The following PREX2 variants were observed in gnomAD, a reference collection of about 807,000 sequenced individuals.
The protein encoded by PREX2 is phosphatidylinositol-3,4,5-trisphosphate dependent Rac exchange factor 2, also known as phosphatidylinositol 3,4,5-trisphosphate-dependent Rac exchanger 2 protein.
In PREX2, 107 loss-of-function variants were observed where a neutral mutation model predicts 203.2. That is an observed-to-expected ratio of 0.53 (90% confidence interval 0.45 to 0.62). PREX2 has a LOEUF of 0.62. PREX2 is among the 20% of genes least tolerant of loss of function. PREX2 has a pLI of 0.00. For missense variants in PREX2, 1,777 were observed against 1,955.9 expected (o/e 0.91, Z 1.72); for synonymous variants, 672 against 663.6 (o/e 1.01, Z -0.19).
chr8:67,990,434 A>G (rs1806562627), intron 1 of PREX2, among the ~76,000 whole-genome samples: 1 of 149,832 alleles, frequency 6.7e-6, no homozygotes, highest in South Asian at 2.1e-4. Context: ...ATGGATTCTG[A>G]TTTACATGGT....
intron 1 of PREX2, among the ~76,000 whole-genome samples, chr8:67,994,184 G>T (rs970036584): frequency 3.3e-5 from 5 of 152,216 alleles, no homozygotes; most frequent in Non-Finnish European, 4.4e-5. Context: ...GCTATGTTTT[G>T]TTCCAGTCCA....
chr8:67,999,658 CA>C (rs1008336347), intron 1 of PREX2, among the ~76,000 whole-genome samples: 10 of 151,792 alleles, frequency 6.6e-5, no homozygotes, highest in African/African-American at 2.4e-4. Context: ...AGAGAGACAA[CA>C]AAAAAAGAAA....
At chr8:67,989,132 T>C (rs1006894743) in intron 1 of PREX2, among the ~76,000 whole-genome samples, 3 of 151,360 alleles carry the variant, frequency 2.0e-5, no homozygotes, top group Admixed American at 1.3e-4. Context: ...TAATGAGGAA[T>C]GGATGTGAAA....
At chr8:67,968,754 G>A (rs796990856) in intron 1 of PREX2, among the ~76,000 whole-genome samples, 10 of 152,236 alleles carry the variant, frequency 6.6e-5, no homozygotes, top group African/African-American at 2.2e-4. Flanking sequence ...AAAATCCTGG[G>A]TTTCTTATCT....
chr8:68,054,649 T>G (rs1808621975), intron 9 of PREX2, among the ~76,000 whole-genome samples: 1 of 152,200 alleles, frequency 6.6e-6, no homozygotes, highest in Non-Finnish European at 1.5e-5. Flanking sequence ...ACTGTTTTTC[T>G]CTAACTAGAT....
At chr8:68,210,481 T>C (rs867175728) in intron 37 of PREX2, among the ~76,000 whole-genome samples, 2 of 152,178 alleles carry the variant, frequency 1.3e-5, no homozygotes, top group African/African-American at 4.8e-5. Flanking sequence ...GTGGGCATGC[T>C]GAGAGCTAGC....
At chr8:68,042,858 AT>A (rs1217950957) in intron 7 of PREX2, among the ~76,000 whole-genome samples, 5 of 152,088 alleles carry the variant, frequency 3.3e-5, no homozygotes, top group Non-Finnish European at 7.4e-5. Context: ...TAAGAGAAAT[AT>A]ACAAAACCCA....
At chr8:68,136,433 G>T (rs1464711719) in intron 32 of PREX2, among the ~76,000 whole-genome samples, 2 of 152,214 alleles carry the variant, frequency 1.3e-5, no homozygotes, top group African/African-American at 4.8e-5. Context: ...GGCTCTAGGA[G>T]CAGCGCTCTG....
At chr8:68,187,913 G>T (rs997146336) in intron 35 of PREX2, among the ~76,000 whole-genome samples, 5 of 152,172 alleles carry the variant, frequency 3.3e-5, no homozygotes, top group East Asian at 1.9e-4. Context: ...AGAGGGGGCT[G>T]GGACAGCGTT....
At chr8:68,206,066 T>A (rs756275506) in intron 37 of PREX2, among the ~76,000 whole-genome samples, 5 of 152,184 alleles carry the variant, frequency 3.3e-5, no homozygotes, top group Non-Finnish European at 7.4e-5. Context: ...GGAGCTGGAA[T>A]TCTCTAAATA....
chr8:68,084,587 C>T (rs1809627213), intron 18 of PREX2, among the ~76,000 whole-genome samples: 1 of 152,122 alleles, frequency 6.6e-6, no homozygotes, highest in Non-Finnish European at 1.5e-5. Context: ...GCTTTAGCTT[C>T]TACCAATAGT....
chr8:68,086,581 T>C (rs6986578), intron 18 of PREX2, among the ~76,000 whole-genome samples: 110,171 of 152,026 alleles, frequency 0.72, 40,008 homozygotes, highest in African/African-American at 0.76. Flanking sequence ...ATATCATACT[T>C]GTATTGTTAT....
At chr8:68,163,452 A>G (rs1159499212) in intron 35 of PREX2, among the ~76,000 whole-genome samples, 1 of 152,192 alleles carries the variant, frequency 6.6e-6, no homozygotes, top group Non-Finnish European at 1.5e-5. Context: ...TTTCAAGGTA[A>G]CACAAAATCA....
intron 7 of PREX2, among the ~76,000 whole-genome samples, chr8:68,040,129 A>G (rs1276362947): frequency 6.6e-6 from 1 of 152,068 alleles, no homozygotes; most frequent in African/African-American, 2.4e-5. Flanking sequence ...TCTGGGCTCA[A>G]GCAATTTTCC....
At position 68,108,342 on chromosome 8, in the gene PREX2, T is replaced by C. The variant is rs1287060987; in HGVS notation, c.2938+11T>C. ...AATCTTCGGAGCAAGGTATGCTAGC[T>C]TTTGCAACTTTATCAAATCATGAAA... On this transcript the variant is annotated intron_variant, in intron 24 of 39. Coordinates refer to ENST00000288368, the MANE Select transcript of PREX2 (RefSeq NM_024870.4). 3 of 1,597,912 alleles carry C rather than the reference T, an allele frequency of 1.9e-6. No homozygotes were observed. The highest frequency in any genetic ancestry group is 3.4e-5 in the Admixed American group (2 of 59,296).
At chr8:67,953,550 CA>C (rs1420141304) in intron 1 of PREX2, among the ~76,000 whole-genome samples, 1 of 152,112 alleles carries the variant, frequency 6.6e-6, no homozygotes, top group East Asian at 1.9e-4. Flanking sequence ...TTCCAACAAC[CA>C]ATTCCATGCC....
At chr8:68,220,079 GA>G (rs995009224) in intron 38 of PREX2, 1 of 151,612 alleles carries the variant, frequency 6.6e-6, no homozygotes, top group African/African-American at 2.4e-5. Context: ...ATAATATAAT[GA>G]AAAAACTAAG....
At chr8:68,223,805 A>T (rs545169057) in intron 38 of PREX2, among the ~76,000 whole-genome samples, 58 of 152,320 alleles carry the variant, frequency 3.8e-4, no homozygotes, top group African/African-American at 1.3e-3. Flanking sequence ...ATCCACATGG[A>T]CATAGCTTGT....
intron 38 of PREX2, among the ~76,000 whole-genome samples, chr8:68,223,738 T>C (rs78156599): frequency 0.025 from 3,856 of 152,324 alleles, 185 homozygotes; most frequent in African/African-American, 0.088. Context: ...GAAGAATTTT[T>C]CATTGCCAAA....
Sources: gnomAD v4.1 joint callset for allele counts (sites outside exome capture counted in the v4.1 genomes callset) on GRCh38, gnomAD v4.1.1 for gene constraint, MANE v1.5 for transcripts, NCBI Gene and HGNC (gene_info 2026-07-23, HGNC 2026-07-21) for gene names.